Variants in ASTN2 observed in about 807,000 individuals in gnomAD.
ASTN2 encodes the protein astrotactin 2, also known as astrotactin-2.
In ASTN2, 54 loss-of-function variants were observed where a neutral mutation model predicts 139.8. The ratio of observed to expected loss-of-function variants is 0.39; its 90% CI spans 0.31 to 0.48. The LOEUF is 0.48. Among genes scored for constraint, ASTN2 ranks in the 20% least tolerant of loss-of-function variants. The probability of loss-of-function intolerance (pLI) is 0.95; values close to 1 mark genes in which losing one functional copy is unlikely to be tolerated. For missense variants in ASTN2, 1,565 were observed against 1,725.1 expected, an observed-to-expected ratio of 0.91 and a Z score of 1.64; for synonymous variants, 756 against 719.5, an observed-to-expected ratio of 1.05 and a Z score of -0.81.
intron 16 of ASTN2, among the ~76,000 whole-genome samples, chr9:116,708,851 C>A (rs1828065808): frequency 2.6e-5 from 4 of 152,192 alleles, no homozygotes; most frequent in Admixed American, 2.6e-4. Flanking sequence ...TACTTAAGCT[C>A]ACTTATGAAT....
intron 16 of ASTN2, among the ~76,000 whole-genome samples, chr9:116,705,854 C>T (rs900355792): frequency 2.0e-5 from 3 of 152,008 alleles, no homozygotes; most frequent in Non-Finnish European, 2.9e-5. Context: ...AAGGGAATAT[C>T]GTGAACAAAG....
intron 11 of ASTN2, among the ~76,000 whole-genome samples, chr9:116,836,833 G>A (rs943312): frequency 0.24 from 35,995 of 151,746 alleles, 4,903 homozygotes; most frequent in East Asian, 0.5. Context: ...TAGAGAAAAT[G>A]TGTCTACTCC....
At chr9:116,526,890 C>T (rs563481661) in intron 19 of ASTN2, among the ~76,000 whole-genome samples, 1 of 152,158 alleles carries the variant, frequency 6.6e-6, no homozygotes, top group South Asian at 2.1e-4. Flanking sequence ...GAAATAAATC[C>T]ACACATTTAC....
At chr9:117,317,475 T>A (rs1177956341) in intron 1 of ASTN2, among the ~76,000 whole-genome samples, 3 of 152,178 alleles carry the variant, frequency 2.0e-5, no homozygotes, top group Non-Finnish European at 4.4e-5. Context: ...ATGAATACAC[T>A]AATGAATGTA....
intron 12 of ASTN2, among the ~76,000 whole-genome samples, chr9:116,809,564 C>G (rs1831112277): frequency 6.6e-6 from 1 of 152,126 alleles, no homozygotes; most frequent in African/African-American, 2.4e-5. Flanking sequence ...CCTGACTGCT[C>G]TTCCATATTT....
At chr9:116,636,101 G>A (rs938194217) in intron 17 of ASTN2, among the ~76,000 whole-genome samples, 1 of 152,106 alleles carries the variant, frequency 6.6e-6, no homozygotes, top group Non-Finnish European at 1.5e-5. Context: ...ACAAGCTATG[G>A]AACCAGACAA....
chr9:116,671,047 A>G (rs767814110), intron 16 of ASTN2, among the ~76,000 whole-genome samples: 5 of 152,212 alleles, frequency 3.3e-5, no homozygotes, highest in Non-Finnish European at 7.4e-5. Flanking sequence ...TTCAATGTTC[A>G]AAGTTGGGTC....
chr9:116,504,306 G>C (rs537580486), intron 19 of ASTN2: 1 of 152,190 alleles, frequency 6.6e-6, no homozygotes, highest in East Asian at 1.9e-4. Context: ...AAACCTGTGC[G>C]ACTGCATCTG....
intron 5 of ASTN2, among the ~76,000 whole-genome samples, chr9:117,086,656 C>G (rs1403501734): frequency 1.3e-5 from 2 of 152,124 alleles, no homozygotes; most frequent in Non-Finnish European, 2.9e-5. Flanking sequence ...GGCTCTTCCT[C>G]CTCCTGTCCC....
At chr9:117,109,790 C>T (rs908148816) in intron 4 of ASTN2, among the ~76,000 whole-genome samples, 3 of 152,086 alleles carry the variant, frequency 2.0e-5, no homozygotes, top group African/African-American at 7.2e-5. Context: ...TCAAATTTGT[C>T]CACCATGCAT....
intron 20 of ASTN2, among the ~76,000 whole-genome samples, chr9:116,486,192 A>G (rs998267389): frequency 6.6e-6 from 1 of 152,238 alleles, no homozygotes; most frequent in Non-Finnish European, 1.5e-5. Context: ...TACAATTATT[A>G]GGTTATGTTA....
intron 1 of ASTN2, among the ~76,000 whole-genome samples, chr9:117,401,876 GAACAAACA>G (rs144713901): frequency 6.6e-6 from 1 of 152,028 alleles, no homozygotes; most frequent in Admixed American, 6.5e-5. Flanking sequence ...CTTATGAGCT[GAACAAACA>G]AACAAACAAA....
chr9:116,822,482 C>G (rs1216616172), intron 11 of ASTN2, among the ~76,000 whole-genome samples: 1 of 152,182 alleles, frequency 6.6e-6, no homozygotes, highest in Non-Finnish European at 1.5e-5. Flanking sequence ...AAGAGGGCAC[C>G]TGGTCACAGG....
chr9:116,432,213 A>G (rs1328187720), intron 22 of ASTN2, among the ~76,000 whole-genome samples: 3 of 152,228 alleles, frequency 2.0e-5, no homozygotes, highest in Non-Finnish European at 4.4e-5. Context: ...GGTTCTATTC[A>G]TGACTCAAAG....
chr9:116,900,907 G>T (rs1057219431), intron 10 of ASTN2, among the ~76,000 whole-genome samples: 2 of 151,926 alleles, frequency 1.3e-5, no homozygotes. Context: ...AGCTTCTCCC[G>T]GCTTGCCAGC....
At chr9:117,124,183 T>A (rs1359846240) in intron 4 of ASTN2, among the ~76,000 whole-genome samples, 4 of 152,180 alleles carry the variant, frequency 2.6e-5, no homozygotes, top group Admixed American at 6.5e-5. Context: ...AGATCTGAAC[T>A]GGGAGTCAGT....
At chr9:116,625,509 G>A (rs1441791713) in intron 17 of ASTN2, among the ~76,000 whole-genome samples, 2 of 152,134 alleles carry the variant, frequency 1.3e-5, no homozygotes, top group Non-Finnish European at 2.9e-5. Flanking sequence ...GGCACTTGCC[G>A]TGGCCTTTGG....
Position 116,976,201 on chromosome 9 carries a change from GGA to G in ASTN2, c.1677-15_1677-14del. The G allele has an allele frequency of 6.2e-7, 1 of 1,611,642 alleles. No homozygotes were observed. The highest frequency in any genetic ancestry group is 8.5e-7 in the Non-Finnish European group (1 of 1,177,808). On this transcript the variant is annotated splice_polypyrimidine_tract_variant and intron_variant, in intron 8 of 22. Transcript: ENST00000313400. ...GTAGGGCCAAGGTCTATGGGAAGAA[GGA>G]GAGGGGAGAGAAGATGACATTAGTC...
At chr9:117,222,494 C>A (rs573866956) in intron 2 of ASTN2, among the ~76,000 whole-genome samples, 1 of 152,116 alleles carries the variant, frequency 6.6e-6, no homozygotes, top group East Asian at 1.9e-4. Context: ...AAGTGAGTGG[C>A]GAAGAGAAGG....
Sources: allele counts gnomAD v4.1 joint callset (sites outside exome capture counted in the v4.1 genomes callset), GRCh38; gene constraint gnomAD v4.1.1; transcripts MANE v1.5; gene names NCBI Gene and HGNC (gene_info 2026-07-23, HGNC 2026-07-21).